Variants in SYBU observed in about 807,000 individuals in gnomAD.
The protein encoded by SYBU is syntabulin, also known as GOLSYN A protein.
A neutral mutation model predicts 35.9 loss-of-function variants in SYBU; 21 were observed. That is an observed-to-expected ratio of 0.58 (90% CI 0.41 to 0.84). The LOEUF is 0.84. SYBU is among the 40% of genes least tolerant of loss of function. SYBU has a pLI of 0.00. For synonymous variants in SYBU, 319 were observed against 324.3 expected (o/e 0.98, Z 0.18); for missense variants, 768 against 848.2 (o/e 0.91, Z 1.17).
intron 1 of SYBU, among the ~76,000 whole-genome samples, chr8:109,678,175 A>G (rs1181786644): frequency 2.0e-5 from 3 of 150,874 alleles, no homozygotes; most frequent in African/African-American, 7.3e-5. Context: ...AGGAAAAGTA[A>G]CATTTAAAGT....
intron 2 of SYBU, among the ~76,000 whole-genome samples, chr8:109,637,739 C>T (rs1375035726): frequency 2.0e-5 from 3 of 152,188 alleles, no homozygotes; most frequent in South Asian, 2.1e-4. Flanking sequence ...TACAAAAGCA[C>T]AGGAGAAATA....
At chr8:109,593,756 A>T (rs748604626) in intron 3 of SYBU, among the ~76,000 whole-genome samples, 2 of 152,214 alleles carry the variant, frequency 1.3e-5, no homozygotes, top group Non-Finnish European at 2.9e-5. Context: ...AAGGAACTAC[A>T]CACAGGCATT....
At chr8:109,663,595 A>AT (rs1223058046) in intron 1 of SYBU, among the ~76,000 whole-genome samples, 5 of 152,132 alleles carry the variant, frequency 3.3e-5, no homozygotes, top group African/African-American at 1.2e-4. Flanking sequence ...TAGAAGTGGC[A>AT]TTTTTTATTT....
At chr8:109,658,772 G>A (rs183944520) in intron 1 of SYBU, among the ~76,000 whole-genome samples, 11 of 152,242 alleles carry the variant, frequency 7.2e-5, no homozygotes, top group Non-Finnish European at 1.3e-4. Context: ...TGACCAACAG[G>A]GTGAAACCCC....
intron 3 of SYBU, among the ~76,000 whole-genome samples, chr8:109,593,191 A>G (rs1162827939): frequency 6.6e-6 from 1 of 152,194 alleles, no homozygotes; most frequent in East Asian, 1.9e-4. Context: ...TCCATGAACC[A>G]TATTATGAGG....
At chr8:109,576,925 C>T (rs1279603966) in intron 6 of SYBU, among the ~76,000 whole-genome samples, 1 of 152,158 alleles carries the variant, frequency 6.6e-6, no homozygotes, top group Non-Finnish European at 1.5e-5. Flanking sequence ...CCCATTCCTT[C>T]CTCGAGTGCT....
In SYBU at chr8:109,574,843, C is replaced by CTGTT. The variant is rs1822019992; in HGVS notation, c.*59_*62dup. On this transcript the variant is annotated 3_prime_UTR_variant, in exon 7 of 7. Coordinates refer to ENST00000276646, the MANE Select transcript of SYBU (RefSeq NM_001099754.2). ...GAGACTGTCACAGATGATTGACTTC[C>CTGTT]TGTTTCTCTACCTGGCACAACCCAC... 6.8e-7 allele frequency: 1 copy of CTGTT among 1,476,616 alleles called. No individual in the cohort carries two copies. The highest frequency in any genetic ancestry group is 9.0e-7 in the Non-Finnish European group (1 of 1,107,688). The allele number at this position is 1,476,616 out of a possible 1,614,324, so 91.5% of individuals were successfully genotyped here. A position where few individuals can be genotyped will look rare whatever the true frequency, so the allele number is the denominator to read the frequency against.
intron 1 of SYBU, among the ~76,000 whole-genome samples, chr8:109,670,443 T>C (rs929572440): frequency 2.8e-4 from 42 of 151,930 alleles, no homozygotes; most frequent in African/African-American, 1.0e-3. Flanking sequence ...TAAAAAAGTT[T>C]AGAAAAATAA....
intron 1 of SYBU, among the ~76,000 whole-genome samples, chr8:109,668,829 A>T (rs1452673247): frequency 6.6e-6 from 1 of 152,210 alleles, no homozygotes; most frequent in Non-Finnish European, 1.5e-5. Context: ...TTAATAACTT[A>T]TAACTTAAAA....
chr8:109,595,999 A>C (rs1013570157), intron 3 of SYBU, among the ~76,000 whole-genome samples: 1 of 152,152 alleles, frequency 6.6e-6, no homozygotes, highest in African/African-American at 2.4e-5. Context: ...TATTTTTCCT[A>C]TTCTAGGGAT....
chr8:109,655,414 T>A (rs1816315148), intron 1 of SYBU, among the ~76,000 whole-genome samples: 2 of 152,252 alleles, frequency 1.3e-5, no homozygotes, highest in Non-Finnish European at 2.9e-5. Flanking sequence ...TTTGGGCTTG[T>A]AACATGAGTT....
At chr8:109,577,723 CT>C in intron 6 of SYBU, 144 bp downstream of exon 6, 1 of 896,264 alleles carries the variant, frequency 1.1e-6, no homozygotes, top group Non-Finnish European at 1.7e-6. Flanking sequence ...TGAAATGACT[CT>C]TTTCAGAGGC....
At chr8:109,599,775 T>C (rs530213514) in intron 3 of SYBU, among the ~76,000 whole-genome samples, 2 of 152,348 alleles carry the variant, frequency 1.3e-5, no homozygotes, top group South Asian at 4.1e-4. Context: ...AATGGCACCC[T>C]GTGTCCATGA....
intron 2 of SYBU, among the ~76,000 whole-genome samples, chr8:109,622,604 C>T (rs1353467440): frequency 6.6e-6 from 1 of 152,110 alleles, no homozygotes; most frequent in Non-Finnish European, 1.5e-5. Flanking sequence ...CTAATCTTAC[C>T]ATACTAAACT....
Position 109,599,853 on chromosome 8 carries a change from T to A in SYBU, c.428-13691A>T, listed in dbSNP as rs116117882. 8.3e-3 allele frequency among the ~76,000 whole-genome samples: 1,268 copies of A among 152,324 alleles called. 21 individuals are homozygous for A. Among genetic ancestry groups the A allele is most frequent in the African/African-American group, 0.029 (1,214 of 41,560 alleles). ...CTTCAGACTGTCATACCATAACCAC[T>A]GCCAATGGAACCATTCACAGTTTCC... is the stretch of plus-strand genomic sequence containing the variant. On this transcript the variant is annotated intron_variant, in intron 3 of 6. Coordinates refer to ENST00000276646, the MANE Select transcript of SYBU (RefSeq NM_001099754.2).
upstream of SYBU, among the ~76,000 whole-genome samples, chr8:109,649,399 C>G (rs1436111623): frequency 2.6e-5 from 4 of 152,100 alleles, no homozygotes; most frequent in Non-Finnish European, 4.4e-5. Context: ...AGATCACTCC[C>G]CCAGGAGGTG....
chr8:109,594,379 C>A (rs78254607), intron 3 of SYBU, among the ~76,000 whole-genome samples: 19,978 of 152,170 alleles, frequency 0.13, 1,480 homozygotes, highest in South Asian at 0.28. Context: ...TTCTTCATCT[C>A]AGTGAGGTGG....
At position 109,584,468 on chromosome 8, in the gene SYBU, A is replaced by G. The variant is rs577761601; in HGVS notation, c.530+1592T>C. 2.1e-4 allele frequency among the ~76,000 whole-genome samples: 32 copies of G among 152,136 alleles called. No individual in the cohort carries two copies. Among genetic ancestry groups the G allele is most frequent in the African/African-American group, 5.8e-4 (24 of 41,526 alleles). On this transcript the variant is annotated intron_variant, in intron 4 of 6. Transcript: ENST00000276646. This position sits in a 1 kb window ranked among gnomAD's most constrained non-coding sequence, Gnocchi z 4.0. ...TCTATATTGTTTGATACTTTGTTCC[A>G]TGTGTATGTCATAATTTCTTGAGTG...
At chr8:109,633,270 C>A (rs761073627) in intron 2 of SYBU, among the ~76,000 whole-genome samples, 1 of 152,142 alleles carries the variant, frequency 6.6e-6, no homozygotes, top group African/African-American at 2.4e-5. Context: ...AGTCTCTAAC[C>A]GTGATCCTAA....
Sources: gnomAD v4.1 joint callset for allele counts (sites outside exome capture counted in the v4.1 genomes callset) on GRCh38, gnomAD v4.1.1 for gene constraint, Gnocchi (gnomAD v3.1) non-coding constraint, MANE v1.5 for transcripts, NCBI Gene and HGNC (gene_info 2026-07-23, HGNC 2026-07-21) for gene names.